Variants in AAK1 observed in about 807,000 individuals in gnomAD.
AAK1 encodes the protein AP2 associated kinase 1.
In AAK1, 37 loss-of-function variants were observed where a neutral mutation model predicts 116.0. The ratio of observed to expected loss-of-function variants is 0.32; its 90% CI spans 0.25 to 0.42. The LOEUF (loss-of-function observed/expected upper bound fraction) is 0.42, where lower values mean the gene tolerates loss of function less well. Among genes scored for constraint, AAK1 ranks in the 10% least tolerant of loss-of-function variants. AAK1 has a pLI of 1.00. For synonymous variants in AAK1, 458 were observed against 439.9 expected, an observed-to-expected ratio of 1.04 and a Z score of -0.51; for missense variants, 919 against 1,170.6, an observed-to-expected ratio of 0.79 and a Z score of 3.14.
intron 17 of AAK1, among the ~76,000 whole-genome samples, chr2:69,487,306 T>C (rs1048638019): frequency 6.6e-6 from 1 of 152,220 alleles, no homozygotes; most frequent in Admixed American, 6.5e-5. Flanking sequence ...GGGCTGGCCC[T>C]GATATCCTTT....
chr2:69,556,718 T>A lies in AAK1; in HGVS notation c.282+142A>T. 7.8e-6 allele frequency: 5 copies of A among 642,442 alleles called. 1 individual carries two copies. In the South Asian group the frequency reaches 9.3e-5, roughly 12 times the overall value. The allele number at this position is 642,442 out of a possible 1,614,324, so 39.8% of individuals were successfully genotyped here. A position where few individuals can be genotyped will look rare whatever the true frequency, so the allele number is the denominator to read the frequency against. On this transcript the variant is annotated intron_variant, in intron 3 of 21. Transcript: ENST00000409085. ...ACCAAGGCAAGGGCGGTGTCCTATA[T>A]CCCATGGCTGTTGAGTCCCATTTTG...
Position 69,527,322 on chromosome 2 carries a change from A to G in AAK1, c.872-3T>C. ...AGGGTCTGGTTCCAACATATACCCT[A>G]AGGCAAACATGTGAATTTATTTAAT... On this transcript the variant is annotated splice_region_variant and splice_polypyrimidine_tract_variant and intron_variant, in intron 8 of 21. Transcript: ENST00000409085. The G allele has an allele frequency of 6.4e-7, 1 of 1,559,596 alleles. No homozygotes were observed. The highest frequency in any genetic ancestry group is 8.8e-7 in the Non-Finnish European group (1 of 1,135,882).
Position 69,458,425 on chromosome 2 carries a change from T to C in AAK1, c.*17444A>G, listed in dbSNP as rs1674263855. The C allele has an allele frequency of 6.5e-6, 1 of 152,674 alleles. No homozygotes were observed. The highest frequency in any genetic ancestry group is 1.5e-5 in the Non-Finnish European group (1 of 68,048). The allele number at this position is 152,674 out of a possible 1,614,324, so 9.5% of individuals were successfully genotyped here. ...GTGGGCCTTGTGGTGTTCTGGTCAC[T>C]GCTACCCTCTCAATGCCACACATGA... is the stretch of plus-strand genomic sequence containing the variant. On this transcript the variant is annotated 3_prime_UTR_variant, in exon 22 of 22. Coordinates refer to ENST00000409085, the MANE Select transcript of AAK1 (RefSeq NM_014911.5).
chr2:69,483,909 G>A (rs569219872), intron 17 of AAK1, among the ~76,000 whole-genome samples: 1 of 152,166 alleles, frequency 6.6e-6, no homozygotes, highest in East Asian at 1.9e-4. Context: ...CTTTTAGCCC[G>A]ATCCATCAAG....
intron 15 of AAK1, 131 bp from the exon 16 acceptor site, chr2:69,505,804 T>C: frequency 3.4e-6 from 2 of 586,688 alleles, no homozygotes; most frequent in Admixed American, 6.2e-5. Context: ...TGGCGACACA[T>C]TCAAAGGTCC....
chr2:69,470,398 T>A lies in AAK1; in HGVS notation c.*5471A>T, dbSNP rs1316603994. ...ACGTACATCAAACTAATAATTACCATGACCTTCTAGCTCACATAACAAAAT... is the reference window on the plus strand; with the variant it reads ...ACGTACATCAAACTAATAATTACCAAGACCTTCTAGCTCACATAACAAAAT... On this transcript the variant is annotated 3_prime_UTR_variant, in exon 22 of 22. Transcript: ENST00000409085. 1 of 985,318 alleles carries A rather than the reference T, an allele frequency of 1.0e-6. No homozygotes were observed. The highest frequency in any genetic ancestry group is 1.7e-5 in the African/African-American group (1 of 57,238). 61.0% of individuals were successfully genotyped at this position (985,318 alleles called of 1,614,324 possible).
chr2:69,473,794 A>C lies in AAK1; in HGVS notation c.*2075T>G. ...ACATTATTCTTATTTAAAAATAAAC[A>C]TTTCCTTCATTAATTTATACATTCT... On this transcript the variant is annotated 3_prime_UTR_variant, in exon 22 of 22. Transcript: ENST00000409085. The C allele has an allele frequency of 1.0e-6, 1 of 965,742 alleles. No homozygotes were observed. Among genetic ancestry groups the C allele is most frequent in the Non-Finnish European group, 1.2e-6 (1 of 811,540 alleles). The allele number at this position is 965,742 out of a possible 1,614,324, so 59.8% of individuals were successfully genotyped here.
intron 5 of AAK1, among the ~76,000 whole-genome samples, chr2:69,538,050 C>T (rs566901888): frequency 1.3e-5 from 2 of 152,354 alleles, no homozygotes; most frequent in South Asian, 2.1e-4. Context: ...GCAGGTTTCA[C>T]GTCTCCCTCC....
At chr2:69,599,374 C>T (rs1673452178) in intron 2 of AAK1, among the ~76,000 whole-genome samples, 1 of 123,238 alleles carries the variant, frequency 8.1e-6, no homozygotes, top group African/African-American at 3.3e-5. Context: ...ATATATAGTT[C>T]TGTGTAAAAA....
intron 2 of AAK1, among the ~76,000 whole-genome samples, chr2:69,608,424 T>C (rs1315309314): frequency 1.3e-5 from 2 of 152,212 alleles, no homozygotes; most frequent in African/African-American, 4.8e-5. Context: ...ATTATCTCTC[T>C]AAGAATTCAT....
rs1403507218 is a variant in AAK1, at chr2:69,458,728, C to A, written c.*17141G>T. On this transcript the variant is annotated 3_prime_UTR_variant, in exon 22 of 22. Transcript: ENST00000409085. ...ATGAGCACACACACACACACACACA[C>A]CCCATTCACACTCAAATAGGAATCT... The A allele has an allele frequency of 1.3e-5, 2 of 152,284 alleles. No individual in the cohort carries two copies. Among genetic ancestry groups the A allele is most frequent in the East Asian group, 1.9e-4 (1 of 5,190 alleles). 9.4% of individuals were successfully genotyped at this position (152,284 alleles called of 1,614,324 possible). A position where few individuals can be genotyped will look rare whatever the true frequency, so the allele number is the denominator to read the frequency against.
chr2:69,618,435 C>T (rs1235460840), intron 2 of AAK1, among the ~76,000 whole-genome samples: 1 of 152,188 alleles, frequency 6.6e-6, no homozygotes, highest in Non-Finnish European at 1.5e-5. Context: ...CCTGCTCCTG[C>T]ACCAGCCAAT....
rs1238350202 is a variant in AAK1 at position 69,468,900 on chromosome 2, A to G, written c.*6969T>C. ...CCATTTGGAAAACCTTCCAACTCAG[A>G]GCATATTCTATGACCTTCATGATGA... is the stretch of plus-strand genomic sequence containing the variant. On this transcript the variant is annotated 3_prime_UTR_variant, in exon 22 of 22. Transcript: ENST00000409085. The G allele has an allele frequency of 1.0e-6, 1 of 985,338 alleles. No individual in the cohort carries two copies. Among genetic ancestry groups the G allele is most frequent in the African/African-American group, 1.7e-5 (1 of 57,240 alleles). The allele number at this position is 985,338 out of a possible 1,614,324, so 61.0% of individuals were successfully genotyped here.
chr2:69,595,409 C>T (rs1349785495), intron 2 of AAK1, among the ~76,000 whole-genome samples: 1 of 152,222 alleles, frequency 6.6e-6, no homozygotes, highest in Non-Finnish European at 1.5e-5. Context: ...AGCCACTGCA[C>T]CCAACCTCTT....
At chr2:69,619,631 G>T (rs1330789333) in intron 2 of AAK1, among the ~76,000 whole-genome samples, 2 of 152,044 alleles carry the variant, frequency 1.3e-5, no homozygotes, top group South Asian at 2.1e-4. Flanking sequence ...GAGGGAGGGA[G>T]TGCTGCCGGG....
chr2:69,519,169 G>A lies in AAK1; in HGVS notation c.1282C>T (p.Leu428=), dbSNP rs370742238. ...GGCTGCTTGGCCTGAGTTTGCGGCA[G>A]AGGCTGGCTGGGTGGGGCTTGGGGT... is the stretch of plus-strand genomic sequence containing the variant. ...PKPQAPPSQP[L]PQTQAKQPQA... The change falls in exon 12 of 22, where the codon CTG becomes TTG. Residue 428 remains leucine (L), a synonymous_variant. Transcript: ENST00000409085. 1.9e-6 allele frequency: 3 copies of A among 1,586,462 alleles called. No homozygotes were observed. Among genetic ancestry groups the A allele is most frequent in the Non-Finnish European group, 1.7e-6 (2 of 1,166,176 alleles).
rs532194091 is a variant in AAK1 at position 69,621,733 on chromosome 2, G to C, written c.163+21145C>G. ...CACGCTGCCTCCTCTCATTAAACCT[G>C]TATCTTCCCTCTTTCAACCTTCCCT... On this transcript the variant is annotated intron_variant, in intron 2 of 21. Transcript: ENST00000409085. Among the ~76,000 whole-genome samples, 6 of 152,262 alleles carry C rather than the reference G, an allele frequency of 3.9e-5. No individual in the cohort carries two copies. The East Asian group carries it at 1.2e-3, about 29-fold the overall frequency.
intron 5 of AAK1, among the ~76,000 whole-genome samples, chr2:69,534,540 A>T (rs555402836): frequency 6.6e-6 from 1 of 152,364 alleles, no homozygotes; most frequent in African/African-American, 2.4e-5. Flanking sequence ...AGCATTCCAT[A>T]CACAACCTAA....
intron 2 of AAK1, among the ~76,000 whole-genome samples, chr2:69,572,507 T>C (rs1033241830): frequency 1.3e-4 from 20 of 150,406 alleles, no homozygotes; most frequent in African/African-American, 4.9e-4. Flanking sequence ...TCATCCCAGC[T>C]ACTCGGGAGG....
Sources: allele counts gnomAD v4.1 joint callset (sites outside exome capture counted in the v4.1 genomes callset), GRCh38; gene constraint gnomAD v4.1.1; transcripts MANE v1.5; gene names NCBI Gene and HGNC (gene_info 2026-07-23, HGNC 2026-07-21).